Variants in LBX1 observed in about 807,000 individuals in gnomAD.
LBX1 encodes the protein ladybird homeobox 1, also known as transcription factor LBX1.
LBX1 carries 6 observed loss-of-function variants against 19.9 expected under a neutral mutation model. The observed-to-expected ratio is 0.30, with a 90% confidence interval of 0.17 to 0.60. The LOEUF is 0.60. LBX1 is among the 20% of genes least tolerant of loss of function. The probability of loss-of-function intolerance (pLI) is 0.87; values close to 1 mark genes in which losing one functional copy is unlikely to be tolerated. For synonymous variants in LBX1, 190 were observed against 189.3 expected, an observed-to-expected ratio of 1.00 and a Z score of -0.03; for missense variants, 344 against 393.7, an observed-to-expected ratio of 0.87 and a Z score of 1.07.
Position 101,227,115 on chromosome 10 carries a change from A to C in LBX1, c.*155T>G. 1.4e-6 allele frequency: 1 copy of C among 700,708 alleles called. No homozygotes were observed. The highest frequency in any genetic ancestry group is 2.3e-6 in the Non-Finnish European group (1 of 435,248). 43.4% of individuals were successfully genotyped at this position (700,708 alleles called of 1,614,324 possible). On this transcript the variant is annotated 3_prime_UTR_variant, in exon 2 of 2. Coordinates refer to ENST00000370193, the MANE Select transcript of LBX1 (RefSeq NM_006562.5). ...CCTGGGTTTATTGCTTCGAGAGGGA[A>C]GAGGCGGCTGCCAGGAGCCGAGTCC...
Position 101,228,638 on chromosome 10 carries a change from G to A in LBX1, c.178C>T (p.Leu60=). ...SYSLCGAAHL[L]AAADKHAQGG... Reference sequence around the variant, plus strand: ...TGCGCGTGCTTGTCCGCGGCGGCCAGCAGGTGCGCCGCCCCGCACAGCGAG... The same window carrying A: ...TGCGCGTGCTTGTCCGCGGCGGCCAACAGGTGCGCCGCCCCGCACAGCGAG... Residue 60 remains leucine (L), a synonymous_variant, in exon 1 of 2, where the codon CTG becomes TTG. Coordinates refer to ENST00000370193, the MANE Select transcript of LBX1 (RefSeq NM_006562.5). 6.3e-7 allele frequency: 1 copy of A among 1,587,046 alleles called. No homozygotes were observed. Among genetic ancestry groups the A allele is most frequent in the Non-Finnish European group, 8.6e-7 (1 of 1,168,032 alleles).
Sources: gnomAD v4.1 joint callset for allele counts on GRCh38, gnomAD v4.1.1 for gene constraint, MANE v1.5 for transcripts, NCBI Gene and HGNC (gene_info 2026-07-23, HGNC 2026-07-21) for gene names.